Variants in EPM2A observed in about 807,000 individuals in gnomAD.
The protein encoded by EPM2A is laforin.
In EPM2A, 21 loss-of-function variants were observed where a neutral mutation model predicts 26.5. The observed-to-expected ratio is 0.79, with a 90% CI of 0.56 to 1.14. The LOEUF is 1.14. Among genes scored for constraint, EPM2A ranks in the 50% most tolerant of loss-of-function variants. The pLI is 0.00. For missense variants in EPM2A, 458 were observed against 440.8 expected (o/e 1.04, Z -0.35); for synonymous variants, 217 against 177.6 (o/e 1.22, Z -1.76).
chr6:145,700,573 T>G (rs892164354), intron 1 of EPM2A, among the ~76,000 whole-genome samples: 43 of 152,182 alleles, frequency 2.8e-4, no homozygotes, highest in African/African-American at 1.0e-3. Flanking sequence ...AACCTATCTT[T>G]GTGCACTTAA....
intron 4 of EPM2A, among the ~76,000 whole-genome samples, chr6:145,471,364 A>G (rs1406246853): frequency 2.0e-5 from 3 of 152,078 alleles, no homozygotes; most frequent in African/African-American, 7.2e-5. Flanking sequence ...AGAAAGCTCC[A>G]CCTATCATCC....
At chr6:145,391,094 C>T (rs1267155431) in intron 4 of EPM2A, among the ~76,000 whole-genome samples, 1 of 152,146 alleles carries the variant, frequency 6.6e-6, no homozygotes, top group Non-Finnish European at 1.5e-5. Flanking sequence ...CCTCTTTCAG[C>T]AAAGGGGACC....
chr6:145,453,222 G>A (rs1270623649), intron 4 of EPM2A, among the ~76,000 whole-genome samples: 1 of 152,056 alleles, frequency 6.6e-6, no homozygotes, highest in Non-Finnish European at 1.5e-5. Context: ...CTTTAAGTAT[G>A]ATTATCTCTA....
At chr6:145,671,260 C>T in intron 2 of EPM2A, 1 of 1,050,408 alleles carries the variant, frequency 9.5e-7, no homozygotes, top group Non-Finnish European at 1.2e-6. Context: ...CATTTATATA[C>T]TGGCCATAAA....
At chr6:145,680,461 T>C (rs1341582291) in intron 2 of EPM2A, among the ~76,000 whole-genome samples, 1 of 152,106 alleles carries the variant, frequency 6.6e-6, no homozygotes, top group Admixed American at 6.5e-5. Context: ...TACATATGTA[T>C]ACATGTGCCA....
At chr6:145,538,661 A>G (rs1780467335) in intron 2 of EPM2A, among the ~76,000 whole-genome samples, 3 of 152,256 alleles carry the variant, frequency 2.0e-5, no homozygotes, top group Non-Finnish European at 1.5e-5. Context: ...CAGAATGTGT[A>G]AGTATTGTAA....
intron 3 of EPM2A, chr6:145,628,265 G>T: frequency 6.5e-6 from 1 of 154,874 alleles, no homozygotes; most frequent in Admixed American, 6.3e-5. Context: ...TTATTCCCTC[G>T]AGTTACAATG....
rs191332271 is a variant in EPM2A, at chr6:145,609,384, T to C, written c.340+25861A>G. 4.3e-3 allele frequency among the ~76,000 whole-genome samples: 662 copies of C among 152,344 alleles called. 5 individuals carry two copies. The highest frequency in any genetic ancestry group is 0.02 in the Middle Eastern group (6 of 294). On this transcript the variant is annotated intron_variant, in intron 2 of 3. Coordinates refer to the EPM2A transcript ENST00000450221. ...GATAAGATTTTTGTCAGGTTTGTTT[T>C]AAACTTTAACGTGTTCACAAAGAAT...
intron 4 of EPM2A, among the ~76,000 whole-genome samples, chr6:145,419,907 G>A (rs1430140455): frequency 1.3e-5 from 2 of 151,920 alleles, no homozygotes; most frequent in South Asian, 4.2e-4. Context: ...AACAAACATT[G>A]AATAGTTAAT....
At chr6:145,521,634 C>G (rs148466600) in intron 2 of EPM2A, among the ~76,000 whole-genome samples, 2,393 of 152,204 alleles carry the variant, frequency 0.016, 30 homozygotes, top group Admixed American at 0.039. Context: ...ATTGTGAGCC[C>G]TGAAGGGGCA....
intron 1 of EPM2A, among the ~76,000 whole-genome samples, chr6:145,712,677 G>C (rs1013301783): frequency 6.6e-6 from 1 of 152,092 alleles, no homozygotes; most frequent in South Asian, 2.1e-4. Flanking sequence ...TGAGTGTTTT[G>C]AGACACTAGC....
At chr6:145,457,175 A>G (rs1030313687) in intron 4 of EPM2A, among the ~76,000 whole-genome samples, 3 of 152,234 alleles carry the variant, frequency 2.0e-5, no homozygotes, top group Non-Finnish European at 2.9e-5. Context: ...TTTTCTGCTA[A>G]TAAGTCATCA....
At position 145,627,549 on chromosome 6, in the gene EPM2A, T is replaced by C. The variant is rs773228187; in HGVS notation, c.863A>G (p.Asn288Ser). 6.2e-7 allele frequency: 1 copy of C among 1,614,242 alleles called. No homozygotes were observed. Among genetic ancestry groups the C allele is most frequent in the South Asian group, 1.1e-5 (1 of 91,092 alleles). Residue 288 changes from asparagine to serine, a missense_variant, in exon 4 of 4, where the codon AAT (asparagine) becomes AGT (serine). Coordinates refer to ENST00000367519, the MANE Select transcript of EPM2A (RefSeq NM_005670.4). ...GAGGAAATACTGCACCTTCCTCAGA[T>C]TCCAGCCCATCACATACTGGAGCCA... Reference protein sequence around the residue: ...CGWLQYVMGWNLRKVQYFLMA... With the variant: ...CGWLQYVMGWSLRKVQYFLMA...
intron 4 of EPM2A, among the ~76,000 whole-genome samples, chr6:145,433,093 A>T (rs760353486): frequency 6.6e-5 from 10 of 152,128 alleles, no homozygotes; most frequent in Non-Finnish European, 1.3e-4. Flanking sequence ...GACCATTCAA[A>T]CTTTGTCCAT....
At chr6:145,520,929 G>C (rs1191439840) in intron 2 of EPM2A, among the ~76,000 whole-genome samples, 2 of 152,334 alleles carry the variant, frequency 1.3e-5, no homozygotes, top group South Asian at 2.1e-4. Flanking sequence ...AGTTCCCTAA[G>C]AGGGGCAAAA....
intron 1 of EPM2A, among the ~76,000 whole-genome samples, chr6:145,731,059 AC>A (rs1292076677): frequency 6.6e-6 from 1 of 151,680 alleles, no homozygotes. Context: ...ACAGACCCAC[AC>A]GACAGACCTA....
intron 2 of EPM2A, among the ~76,000 whole-genome samples, chr6:145,667,909 CA>C (rs2128595706): frequency 6.6e-6 from 1 of 150,392 alleles, no homozygotes; most frequent in Non-Finnish European, 1.5e-5. Context: ...TAAACTATCG[CA>C]AGAACAAAAA....
At position 145,454,962 on chromosome 6, in the gene EPM2A, G is replaced by A. The variant is rs148031608; in HGVS notation, c.555+47560C>T. 4.4e-3 allele frequency among the ~76,000 whole-genome samples: 655 copies of A among 149,024 alleles called. 4 individuals carry two copies. The highest frequency in any genetic ancestry group is 0.015 in the African/African-American group (607 of 41,282). ...ATATGTTTGGAAATTGTACAATTGT[G>A]TGCAAAAATTGTATATATGTGTATG... On this transcript the variant is annotated intron_variant, in intron 4 of 4. Coordinates refer to the EPM2A transcript ENST00000638717.
intron 4 of EPM2A, among the ~76,000 whole-genome samples, chr6:145,477,922 C>T (rs546968335): frequency 2.0e-5 from 3 of 151,844 alleles, no homozygotes; most frequent in Admixed American, 6.6e-5. Context: ...TACTCTAAGT[C>T]CTATCTAGAG....
Sources: allele counts gnomAD v4.1 joint callset (sites outside exome capture counted in the v4.1 genomes callset), GRCh38; gene constraint gnomAD v4.1.1; transcripts MANE v1.5; gene names NCBI Gene and HGNC (gene_info 2026-07-23, HGNC 2026-07-21).